FSTL5: variants seen among roughly 807,000 people sequenced by gnomAD.
FSTL5 encodes the protein follistatin-related protein 5.
A neutral mutation model predicts 89.1 loss-of-function variants in FSTL5; 62 were observed. The ratio of observed to expected loss-of-function variants is 0.70; its 90% CI spans 0.57 to 0.86. The LOEUF (loss-of-function observed/expected upper bound fraction) is 0.86. Among genes scored for constraint, FSTL5 ranks in the 40% least tolerant of loss-of-function variants. The pLI is 0.00. For missense variants in FSTL5, 1,057 were observed against 1,001.6 expected, an observed-to-expected ratio of 1.06 and a Z score of -0.75; for synonymous variants, 383 against 346.2, an observed-to-expected ratio of 1.11 and a Z score of -1.18.
At chr4:162,101,531 GTCA>G (rs1370422279) in intron 2 of FSTL5, among the ~76,000 whole-genome samples, 1 of 152,088 alleles carries the variant, frequency 6.6e-6, no homozygotes, top group African/African-American at 2.4e-5. Flanking sequence ...TTGTGGCTGT[GTCA>G]TCATCAACTT....
At chr4:161,696,922 C>T (rs1202638596) in intron 6 of FSTL5, among the ~76,000 whole-genome samples, 5 of 152,096 alleles carry the variant, frequency 3.3e-5, no homozygotes, top group East Asian at 1.9e-4. Context: ...TTTTCTTTAC[C>T]GATTAGGATG....
chr4:161,627,626 T>C (rs1307654192), intron 7 of FSTL5, among the ~76,000 whole-genome samples: 2 of 152,186 alleles, frequency 1.3e-5, no homozygotes, highest in Non-Finnish European at 2.9e-5. Context: ...AAAATCTTAA[T>C]GGTTTATTAC....
At chr4:162,156,706 C>T (rs186228677) in intron 1 of FSTL5, among the ~76,000 whole-genome samples, 4 of 152,152 alleles carry the variant, frequency 2.6e-5, no homozygotes, top group Admixed American at 6.6e-5. Context: ...TATACATGGA[C>T]ATAAGGATGA....
intron 3 of FSTL5, among the ~76,000 whole-genome samples, chr4:161,988,689 C>T (rs189412249): frequency 6.6e-6 from 1 of 152,080 alleles, no homozygotes; most frequent in African/African-American, 2.4e-5. Context: ...GAAGTTATTT[C>T]TCACATACTT....
chr4:161,939,292 G>A (rs558301018), intron 3 of FSTL5, among the ~76,000 whole-genome samples: 7 of 151,908 alleles, frequency 4.6e-5, no homozygotes, highest in African/African-American at 1.4e-4. Flanking sequence ...TTGGAACAGT[G>A]AGCAAAAAAT....
At chr4:161,586,473 A>G (rs1733622363) in intron 8 of FSTL5, among the ~76,000 whole-genome samples, 2 of 152,174 alleles carry the variant, frequency 1.3e-5, no homozygotes, top group Admixed American at 1.3e-4. Flanking sequence ...TCACACTCAC[A>G]TGCTATTCCT....
intron 6 of FSTL5, among the ~76,000 whole-genome samples, chr4:161,663,889 C>G: frequency 6.6e-6 from 1 of 152,334 alleles, no homozygotes; most frequent in Middle Eastern, 3.4e-3. Flanking sequence ...GTTCCCCAAT[C>G]CCAATTCCTG....
At chr4:162,117,517 G>T (rs938157460) in intron 1 of FSTL5, among the ~76,000 whole-genome samples, 1 of 152,186 alleles carries the variant, frequency 6.6e-6, no homozygotes, top group Non-Finnish European at 1.5e-5. Context: ...CTAGGTGCGA[G>T]ACAGGAGAAG....
intron 6 of FSTL5, among the ~76,000 whole-genome samples, chr4:161,728,259 A>C (rs1271235072): frequency 1.3e-5 from 2 of 152,226 alleles, no homozygotes; most frequent in Non-Finnish European, 2.9e-5. Flanking sequence ...AAACAGAAAT[A>C]TTAACATGGG....
chr4:161,866,510 T>TGTGTGGG (rs1732097508), intron 4 of FSTL5, among the ~76,000 whole-genome samples: 1 of 78,534 alleles, frequency 1.3e-5, no homozygotes, highest in African/African-American at 4.2e-5. Context: ...GTGTGTGTGG[T>TGTGTGGG]TTCAATCTTC....
intron 4 of FSTL5, among the ~76,000 whole-genome samples, chr4:161,800,159 C>G (rs936378075): frequency 4.6e-5 from 7 of 151,594 alleles, no homozygotes; most frequent in African/African-American, 1.7e-4. Context: ...TATGTAGTCT[C>G]TGAGGAACTG....
At chr4:161,394,059 G>A (rs995735294) in intron 15 of FSTL5, among the ~76,000 whole-genome samples, 5 of 152,106 alleles carry the variant, frequency 3.3e-5, no homozygotes, top group Non-Finnish European at 7.4e-5. Flanking sequence ...AATGTATAGA[G>A]CTACATGGAG....
At chr4:161,501,496 T>A (rs1014797705) in intron 11 of FSTL5, among the ~76,000 whole-genome samples, 3 of 152,044 alleles carry the variant, frequency 2.0e-5, no homozygotes, top group East Asian at 3.8e-4. Flanking sequence ...ATATATAGTG[T>A]GCATACAATT....
intron 3 of FSTL5, among the ~76,000 whole-genome samples, chr4:162,004,173 C>A (rs1736546087): frequency 6.6e-6 from 1 of 152,182 alleles, no homozygotes; most frequent in Admixed American, 6.5e-5. Context: ...TCATGCAGCA[C>A]AACTTCAAAC....
At chr4:161,875,692 T>C (rs948880793) in intron 4 of FSTL5, among the ~76,000 whole-genome samples, 1 of 152,216 alleles carries the variant, frequency 6.6e-6, no homozygotes, top group African/African-American at 2.4e-5. Context: ...CCTGGATGTT[T>C]TGACCAATTC....
rs1298168002 is a variant in FSTL5, at chr4:161,520,663, T to G, written c.1313-10239A>C. Among the ~76,000 whole-genome samples, 3 of 152,160 alleles carry G rather than the reference T, an allele frequency of 2.0e-5. No homozygotes were observed. In the East Asian group the frequency reaches 5.8e-4, roughly 29 times the overall value. On this transcript the variant is annotated intron_variant, in intron 10 of 15. Coordinates refer to ENST00000306100, the MANE Select transcript of FSTL5 (RefSeq NM_020116.5). ...AAAAACTAACCCTAGAACTGAAGTT[T>G]TCTTTAAAGTACTTTAAATATATCT...
At chr4:161,969,326 A>G (rs1004096189) in intron 3 of FSTL5, among the ~76,000 whole-genome samples, 2 of 152,334 alleles carry the variant, frequency 1.3e-5, no homozygotes, top group African/African-American at 4.8e-5. Context: ...TGAAAATAAC[A>G]TATTTTATCT....
At chr4:161,992,716 C>T (rs896956968) in intron 3 of FSTL5, among the ~76,000 whole-genome samples, 5 of 150,542 alleles carry the variant, frequency 3.3e-5, no homozygotes, top group East Asian at 2.0e-4. Context: ...TGGTGGTGCG[C>T]GCCTGCAATC....
chr4:161,642,119 T>C (rs965892192), intron 7 of FSTL5, among the ~76,000 whole-genome samples: 8 of 152,186 alleles, frequency 5.3e-5, no homozygotes, highest in Admixed American at 1.3e-4. Flanking sequence ...TTGTGAAATA[T>C]TGCCACAATC....
Sources: allele counts gnomAD v4.1 joint callset (sites outside exome capture counted in the v4.1 genomes callset), GRCh38; gene constraint gnomAD v4.1.1; transcripts MANE v1.5; gene names NCBI Gene and HGNC (gene_info 2026-07-23, HGNC 2026-07-21).